The following DOCK3 variants were observed in gnomAD, a reference collection of about 807,000 sequenced individuals.
DOCK3 encodes dedicator of cytokinesis protein 3.
A neutral mutation model predicts 265.6 loss-of-function variants in DOCK3; 60 were observed. The observed-to-expected ratio is 0.23, with a 90% confidence interval of 0.18 to 0.28. DOCK3 has a LOEUF of 0.28. Among genes scored for constraint, DOCK3 ranks in the 10% least tolerant of loss-of-function variants. The pLI is 1.00. For missense variants in DOCK3, 1,981 were observed against 2,594.3 expected (o/e 0.76, Z 5.14); for synonymous variants, 881 against 938.0 (o/e 0.94, Z 1.11).
chr3:51,186,195 A>G (rs1015604061), intron 12 of DOCK3, among the ~76,000 whole-genome samples: 5 of 152,184 alleles, frequency 3.3e-5, no homozygotes, highest in African/African-American at 1.2e-4. Flanking sequence ...CTGAGTTGGT[A>G]TCAGATGGAA....
Position 50,675,173 on chromosome 3 carries a change from C to T in DOCK3, c.-91C>T. ...CCGCGCCGCCTGACCGTCCCCGCCT[C>T]GACTCGCGGTGCGCCACAGCCGGGC... On this transcript the variant is annotated 5_prime_UTR_variant, in exon 1 of 53. Transcript: ENST00000266037. This position sits in a 1 kb window ranked among gnomAD's most constrained non-coding sequence, Gnocchi z 6.1. 1.1e-6 allele frequency: 1 copy of T among 942,852 alleles called. No homozygotes were observed. The highest frequency in any genetic ancestry group is 1.1e-4 in the East Asian group (1 of 9,462). 58.4% of individuals were successfully genotyped at this position (942,852 alleles called of 1,614,324 possible).
chr3:51,226,776 T>C (rs1469267487), intron 15 of DOCK3, among the ~76,000 whole-genome samples: 2 of 152,120 alleles, frequency 1.3e-5, no homozygotes, highest in Non-Finnish European at 2.9e-5. Flanking sequence ...ATTTGGGAGA[T>C]GGGTTAAGTT....
At chr3:50,845,567 G>C (rs1338143379) in intron 3 of DOCK3, among the ~76,000 whole-genome samples, 1 of 152,098 alleles carries the variant, frequency 6.6e-6, no homozygotes, top group Non-Finnish European at 1.5e-5. Flanking sequence ...AGGCAGGAAA[G>C]GCAGATTGGA....
At chr3:51,086,492 T>C (rs1324523448) in intron 7 of DOCK3, among the ~76,000 whole-genome samples, 2 of 152,240 alleles carry the variant, frequency 1.3e-5, no homozygotes, top group African/African-American at 2.4e-5. Flanking sequence ...ACATTGTGGC[T>C]GATGCCACAG....
chr3:51,340,940 CCT>C (rs1553862782), intron 37 of DOCK3, among the ~76,000 whole-genome samples: 3 of 152,174 alleles, frequency 2.0e-5, no homozygotes, highest in Non-Finnish European at 1.5e-5. Flanking sequence ...AGCAAGGCAG[CCT>C]GTGCACAGAT....
chr3:51,338,282 C>A, intron 35 of DOCK3, 77 bp from the exon 36 acceptor site: 1 of 1,495,344 alleles, frequency 6.7e-7, no homozygotes, highest in South Asian at 1.2e-5. Context: ...TACTAATGCC[C>A]CAGTGATAGT....
chr3:51,205,175 TAAATA>T (rs946967464), intron 12 of DOCK3, among the ~76,000 whole-genome samples: 7 of 149,066 alleles, frequency 4.7e-5, no homozygotes, highest in Non-Finnish European at 8.9e-5. Flanking sequence ...ATAATAAAAA[TAAATA>T]AATAAATAAA....
intron 12 of DOCK3, among the ~76,000 whole-genome samples, chr3:51,167,119 C>A (rs1038065994): frequency 3.9e-5 from 6 of 152,088 alleles, no homozygotes; most frequent in Non-Finnish European, 7.4e-5. Flanking sequence ...TAATCTCTTT[C>A]GAGTTAGTTT....
intron 27 of DOCK3, among the ~76,000 whole-genome samples, chr3:51,297,717 A>G (rs1244437294): frequency 1.3e-5 from 2 of 152,100 alleles, no homozygotes; most frequent in Non-Finnish European, 2.9e-5. Context: ...GTCAGGAGGC[A>G]TTAAGTCAGG....
At chr3:51,280,006 G>C (rs1357726211) in intron 26 of DOCK3, 100 bp from the exon 27 acceptor site, 3 of 858,554 alleles carry the variant, frequency 3.5e-6, no homozygotes, top group Middle Eastern at 3.4e-4. Flanking sequence ...GATCATTGGG[G>C]CCATCTCAGA....
At chr3:50,860,551 C>T (rs1374817612) in intron 3 of DOCK3, among the ~76,000 whole-genome samples, 2 of 152,142 alleles carry the variant, frequency 1.3e-5, no homozygotes, top group Non-Finnish European at 2.9e-5. Flanking sequence ...CTGGAGACCA[C>T]GGTTGAGAGG....
At chr3:50,907,085 C>T (rs2049556698) in intron 4 of DOCK3, among the ~76,000 whole-genome samples, 1 of 152,120 alleles carries the variant, frequency 6.6e-6, no homozygotes, top group Admixed American at 6.5e-5. Context: ...TTTCTTAATC[C>T]TGAGTTCTAG....
chr3:51,110,545 T>C (rs887321484), intron 9 of DOCK3, among the ~76,000 whole-genome samples: 2 of 152,178 alleles, frequency 1.3e-5, no homozygotes, highest in Non-Finnish European at 1.5e-5. Flanking sequence ...CTCAGATGAA[T>C]AAATGTGATT....
intron 38 of DOCK3, 112 bp from the exon 39 acceptor site, chr3:51,348,740 T>G: frequency 3.5e-5 from 37 of 1,046,628 alleles, no homozygotes; most frequent in East Asian, 5.2e-5. Flanking sequence ...TTGTGACACA[T>G]GAGTTGGAGC....
chr3:51,342,559 C>T (rs2085310239), intron 38 of DOCK3, among the ~76,000 whole-genome samples: 1 of 152,234 alleles, frequency 6.6e-6, no homozygotes, highest in Non-Finnish European at 1.5e-5. Context: ...CAGGGAATGA[C>T]ATAAGCGTGG....
At chr3:51,282,865 C>T (rs1184157593) in intron 27 of DOCK3, among the ~76,000 whole-genome samples, 1 of 152,020 alleles carries the variant, frequency 6.6e-6, no homozygotes, top group Non-Finnish European at 1.5e-5. Context: ...GATAAGAAAC[C>T]TGGACAAAGA....
chr3:50,815,633 G>A (rs1277487739), intron 2 of DOCK3, among the ~76,000 whole-genome samples: 1 of 146,240 alleles, frequency 6.8e-6, no homozygotes, highest in African/African-American at 2.5e-5. Context: ...TTTTTTTTTT[G>A]AGTGTTTGAA....
intron 32 of DOCK3, among the ~76,000 whole-genome samples, chr3:51,319,472 A>C (rs894261378): frequency 2.0e-5 from 3 of 152,000 alleles, no homozygotes; most frequent in Non-Finnish European, 4.4e-5. Flanking sequence ...GAGTCAGCTG[A>C]AGATGGGGCT....
At chr3:51,152,826 G>C (rs2085668865) in intron 10 of DOCK3, among the ~76,000 whole-genome samples, 1 of 152,198 alleles carries the variant, frequency 6.6e-6, no homozygotes, top group African/African-American at 2.4e-5. Flanking sequence ...CACCAGCGGA[G>C]GCTGCAAAAC....
Sources: gnomAD v4.1 joint callset for allele counts (sites outside exome capture counted in the v4.1 genomes callset) on GRCh38, gnomAD v4.1.1 for gene constraint, Gnocchi (gnomAD v3.1) non-coding constraint, MANE v1.5 for transcripts, NCBI Gene and HGNC (gene_info 2026-07-23, HGNC 2026-07-21) for gene names.